The following ADGRG6 variants were observed in gnomAD, a reference collection of about 807,000 sequenced individuals.
ADGRG6 encodes the protein adhesion G protein-coupled receptor G6, also known as G-protein coupled receptor 126.
Under a neutral mutation model 142.4 loss-of-function variants are expected in ADGRG6, and 84 were observed. The observed-to-expected ratio is 0.59, with a 90% CI of 0.49 to 0.71. ADGRG6 has a LOEUF of 0.71. ADGRG6 is among the 30% of genes least tolerant of loss of function. The probability of loss-of-function intolerance (pLI) is 0.00; values close to 1 mark genes in which losing one functional copy is unlikely to be tolerated. For synonymous variants in ADGRG6, 521 were observed against 520.5 expected, an observed-to-expected ratio of 1.00 and a Z score of -0.01; for missense variants, 1,367 against 1,466.6, an observed-to-expected ratio of 0.93 and a Z score of 1.11.
Position 142,381,368 on chromosome 6 carries a change from A to T in ADGRG6, c.1070-583A>T, listed in dbSNP as rs9321868. Among the ~76,000 whole-genome samples, 732 of 152,296 alleles carry T rather than the reference A, an allele frequency of 4.8e-3. 9 individuals are homozygous for T. Among genetic ancestry groups the T allele is most frequent in the African/African-American group, 0.017 (693 of 41,574 alleles). On this transcript the variant is annotated intron_variant, in intron 4 of 24. Transcript: ENST00000367609. ...CTCAAGCTGTTGGAAAAAGTCTGTT[A>T]ATTGTCAGAGGGAGATTTAGTGCAA...
intron 2 of ADGRG6, among the ~76,000 whole-genome samples, chr6:142,342,155 G>A (rs903042683): frequency 1.3e-5 from 2 of 151,900 alleles, no homozygotes; most frequent in African/African-American, 4.8e-5. Flanking sequence ...GCAAGGGAGC[G>A]GGATTATTGG....
chr6:142,335,499 A>G (rs1371851118), intron 2 of ADGRG6, among the ~76,000 whole-genome samples: 1 of 152,208 alleles, frequency 6.6e-6, no homozygotes, highest in Non-Finnish European at 1.5e-5. Flanking sequence ...GCTGCCTTTC[A>G]TTGCAATGGA....
intron 14 of ADGRG6, chr6:142,404,348 C>A (rs1273493756): frequency 4.8e-6 from 1 of 207,588 alleles, no homozygotes; most frequent in African/African-American, 2.4e-5. Flanking sequence ...ACATTAGAAT[C>A]TTCTGGAGGA....
intron 2 of ADGRG6, among the ~76,000 whole-genome samples, chr6:142,327,151 G>C (rs1032316724): frequency 6.6e-6 from 1 of 151,860 alleles, no homozygotes; most frequent in Non-Finnish European, 1.5e-5. Flanking sequence ...TGTCAGTGGG[G>C]TAATATGACT....
rs114776795 is a variant in ADGRG6, at chr6:142,349,547, A to G, written c.104-18022A>G. On this transcript the variant is annotated intron_variant, in intron 2 of 24. Coordinates refer to ENST00000367609, the MANE Select transcript of ADGRG6 (RefSeq NM_198569.3). ...CCTCCCGTAGTCTGAGGGAAACTCA[A>G]CAGGGTACTGTCACTGGCTGTTAGT... Among the ~76,000 whole-genome samples the G allele has an allele frequency of 4.8e-3, 735 of 152,334 alleles. 9 individuals carry two copies. Among genetic ancestry groups the G allele is most frequent in the African/African-American group, 0.017 (695 of 41,576 alleles).
intron 2 of ADGRG6, among the ~76,000 whole-genome samples, chr6:142,356,346 AGC>A (rs1342659801): frequency 1.3e-5 from 2 of 152,200 alleles, no homozygotes; most frequent in East Asian, 3.9e-4. Context: ...AAGTACTGTT[AGC>A]AAGATGTGGA....
At chr6:142,331,103 A>G (rs1779034489) in intron 2 of ADGRG6, among the ~76,000 whole-genome samples, 1 of 151,652 alleles carries the variant, frequency 6.6e-6, no homozygotes, top group South Asian at 2.1e-4. Context: ...TGACATGGAC[A>G]TTCTATGGAA....
chr6:142,316,638 A>C (rs139175261), intron 2 of ADGRG6, among the ~76,000 whole-genome samples: 1 of 152,148 alleles, frequency 6.6e-6, no homozygotes, highest in African/African-American at 2.4e-5. Flanking sequence ...ATTATGTACA[A>C]TTGATACTGG....
chr6:142,446,120 A>C lies in ADGRG6; in HGVS notation c.*2605A>C, dbSNP rs182162185. On this transcript the variant is annotated 3_prime_UTR_variant, in exon 25 of 25. Coordinates refer to ENST00000367609, the MANE Select transcript of ADGRG6 (RefSeq NM_198569.3). ...ACTTTGTGAAATCATTTTTGGTAGCAATATCTTTGAATATGATGAATAAAA... is the reference window on the plus strand; with the variant it reads ...ACTTTGTGAAATCATTTTTGGTAGCCATATCTTTGAATATGATGAATAAAA... 9.2e-5 allele frequency: 14 copies of C among 152,714 alleles called. No homozygotes were observed. In the East Asian group the frequency reaches 2.7e-3, roughly 29 times the overall value. 9.5% of individuals were successfully genotyped at this position (152,714 alleles called of 1,614,324 possible).
chr6:142,348,953 G>A (rs1053130962), intron 2 of ADGRG6, among the ~76,000 whole-genome samples: 1 of 152,090 alleles, frequency 6.6e-6, no homozygotes, highest in African/African-American at 2.4e-5. Context: ...GCACAGTTGG[G>A]CCTAAAGAGG....
intron 2 of ADGRG6, among the ~76,000 whole-genome samples, chr6:142,345,966 G>GC (rs952780764): frequency 1.3e-5 from 2 of 152,144 alleles, no homozygotes; most frequent in Non-Finnish European, 2.9e-5. Context: ...TTGCGAGTTT[G>GC]CATTTTTAAG....
intron 2 of ADGRG6, among the ~76,000 whole-genome samples, chr6:142,319,217 T>C (rs552405689): frequency 6.6e-6 from 1 of 152,256 alleles, no homozygotes; most frequent in South Asian, 2.1e-4. Context: ...TGCCTTCTGC[T>C]TCTTGCTCAA....
chr6:142,355,429 A>G (rs1416502499), intron 2 of ADGRG6, among the ~76,000 whole-genome samples: 1 of 152,128 alleles, frequency 6.6e-6, no homozygotes, highest in Non-Finnish European at 1.5e-5. Context: ...TCATGGAAGG[A>G]ATCTAAGTAT....
At position 142,438,318 on chromosome 6, in the gene ADGRG6, A is replaced by G; in HGVS notation, c.3528A>G (p.Lys1176=). The G allele has an allele frequency of 1.2e-6, 2 of 1,610,424 alleles. No homozygotes were observed. Among genetic ancestry groups the G allele is most frequent in the Non-Finnish European group, 8.5e-7 (1 of 1,177,832 alleles). Reference sequence around the variant, plus strand: ...CCAACTCAACCTATCTTACATCCAAATCTAAATCCAGCTCTACCACCTATT... The same window carrying G: ...CCAACTCAACCTATCTTACATCCAAGTCTAAATCCAGCTCTACCACCTATT... The part of the protein sequence containing the change: ...IGSNSTYLTS[K]SKSSSTTYFK... Residue 1176 remains lysine, a synonymous_variant, in exon 24 of 25, where the codon AAA becomes AAG. Coordinates refer to ENST00000367609, the MANE Select transcript of ADGRG6 (RefSeq NM_198569.3).
intron 2 of ADGRG6, among the ~76,000 whole-genome samples, chr6:142,337,491 T>C (rs944876877): frequency 6.6e-6 from 1 of 152,008 alleles, no homozygotes; most frequent in Non-Finnish European, 1.5e-5. Flanking sequence ...GAACTTTATC[T>C]TTTTCCAGTA....
At chr6:142,312,628 CTT>C (rs1233501227) in intron 2 of ADGRG6, among the ~76,000 whole-genome samples, 1 of 152,014 alleles carries the variant, frequency 6.6e-6, no homozygotes, top group African/African-American at 2.4e-5. Context: ...ACTGTTGACT[CTT>C]TTGGGAGAGT....
intron 2 of ADGRG6, among the ~76,000 whole-genome samples, chr6:142,315,956 A>G (rs1778041228): frequency 6.6e-6 from 1 of 152,162 alleles, no homozygotes; most frequent in Non-Finnish European, 1.5e-5. Flanking sequence ...ACTCTCAGAG[A>G]GGAATAAAGT....
intron 4 of ADGRG6, among the ~76,000 whole-genome samples, chr6:142,375,077 C>G (rs1781438745): frequency 6.6e-6 from 1 of 152,112 alleles, no homozygotes; most frequent in Admixed American, 6.5e-5. Flanking sequence ...GCCCCATCCA[C>G]CCCTGTGCCC....
At chr6:142,400,779 C>T (rs1775477476) in intron 11 of ADGRG6, 183 bp downstream of exon 11, 1 of 519,188 alleles carries the variant, frequency 1.9e-6, no homozygotes, top group Non-Finnish European at 3.4e-6. Flanking sequence ...CTCAGAAAGG[C>T]AGTGTTTTCC....
Sources: allele counts gnomAD v4.1 joint callset (sites outside exome capture counted in the v4.1 genomes callset), GRCh38; gene constraint gnomAD v4.1.1; transcripts MANE v1.5; gene names NCBI Gene and HGNC (gene_info 2026-07-23, HGNC 2026-07-21).